Variants in MTUS2 observed in about 807,000 individuals in gnomAD.
MTUS2 encodes the protein microtubule-associated tumor suppressor candidate 2.
A neutral mutation model predicts 114.1 loss-of-function variants in MTUS2; 40 were observed. The observed-to-expected ratio is 0.35, with a 90% CI of 0.27 to 0.46. The LOEUF (loss-of-function observed/expected upper bound fraction) is 0.46, where lower values mean the gene tolerates loss of function less well. Among genes scored for constraint, MTUS2 ranks in the 20% least tolerant of loss-of-function variants. The probability of loss-of-function intolerance (pLI) is 1.00; values close to 1 mark genes in which losing one functional copy is unlikely to be tolerated. For synonymous variants in MTUS2, 688 were observed against 672.0 expected (o/e 1.02, Z -0.37); for missense variants, 1,679 against 1,705.4 (o/e 0.98, Z 0.27).
chr13:28,912,947 G>A (rs891346222), intron 2 of MTUS2, among the ~76,000 whole-genome samples: 1 of 151,638 alleles, frequency 6.6e-6, no homozygotes, highest in South Asian at 2.1e-4. Context: ...GAGTTAATGG[G>A]TGCACATTGA....
At chr13:29,057,997 T>G (rs779002739) in intron 4 of MTUS2, among the ~76,000 whole-genome samples, 1 of 152,146 alleles carries the variant, frequency 6.6e-6, no homozygotes, top group Non-Finnish European at 1.5e-5. Flanking sequence ...ACAAATTCCC[T>G]TTGCATTTGC....
intron 5 of MTUS2, among the ~76,000 whole-genome samples, chr13:29,157,767 C>G (rs893420448): frequency 2.6e-5 from 4 of 151,934 alleles, no homozygotes; most frequent in Non-Finnish European, 4.4e-5. Flanking sequence ...AATCTTTATA[C>G]CTAGGTTAGG....
At chr13:28,991,796 CT>C (rs1368080244) in intron 2 of MTUS2, among the ~76,000 whole-genome samples, 8 of 152,094 alleles carry the variant, frequency 5.3e-5, no homozygotes, top group African/African-American at 1.9e-4. Flanking sequence ...TTTAAAGGTC[CT>C]GGGTTGGAGG....
At chr13:28,981,478 A>G (rs938719268) in intron 2 of MTUS2, among the ~76,000 whole-genome samples, 1 of 152,212 alleles carries the variant, frequency 6.6e-6, no homozygotes, top group African/African-American at 2.4e-5. Context: ...TGACTATGGT[A>G]GTAGTTACAG....
At chr13:29,298,007 C>A (rs1899024856) in intron 6 of MTUS2, among the ~76,000 whole-genome samples, 1 of 152,152 alleles carries the variant, frequency 6.6e-6, no homozygotes. Context: ...TTCTGCTGTT[C>A]ATATGTCAAA....
At chr13:29,387,300 G>A (rs146218835) in intron 8 of MTUS2, among the ~76,000 whole-genome samples, 143 of 152,294 alleles carry the variant, frequency 9.4e-4, no homozygotes, top group African/African-American at 3.2e-3. Context: ...TTGGGCAGAC[G>A]CAGAGGTAAC....
intron 6 of MTUS2, among the ~76,000 whole-genome samples, chr13:29,285,100 AAAAG>A (rs1898424664): frequency 2.0e-5 from 3 of 152,114 alleles, no homozygotes; most frequent in Admixed American, 1.3e-4. Flanking sequence ...AAAGAAAAAA[AAAAG>A]GAAAAACTGA....
intron 6 of MTUS2, among the ~76,000 whole-genome samples, chr13:29,316,036 G>A (rs77678702): frequency 0.014 from 2,067 of 152,268 alleles, 44 homozygotes; most frequent in African/African-American, 0.047. Context: ...CATGCATTGG[G>A]GATTGCCACT....
intron 4 of MTUS2, among the ~76,000 whole-genome samples, chr13:29,051,099 G>A (rs1566326664): frequency 6.6e-6 from 1 of 152,202 alleles, no homozygotes. Context: ...GAATAGGAGA[G>A]GTAATGGCAG....
At chr13:29,114,008 CT>C (rs1890984177) in intron 5 of MTUS2, among the ~76,000 whole-genome samples, 1 of 152,148 alleles carries the variant, frequency 6.6e-6, no homozygotes. Context: ...ACACCTCCCC[CT>C]GTCTCTCTTA....
intron 2 of MTUS2, among the ~76,000 whole-genome samples, chr13:28,911,337 A>C (rs1013883948): frequency 6.6e-6 from 1 of 150,846 alleles, no homozygotes; most frequent in African/African-American, 2.4e-5. Flanking sequence ...CACCATGCCC[A>C]GCTAATTTTT....
At chr13:29,302,636 G>T (rs1308449864) in intron 6 of MTUS2, among the ~76,000 whole-genome samples, 1 of 152,230 alleles carries the variant, frequency 6.6e-6, no homozygotes, top group African/African-American at 2.4e-5. Context: ...GCCCAGCACT[G>T]GGTTGGAGTC....
intron 4 of MTUS2, among the ~76,000 whole-genome samples, chr13:29,079,500 A>C (rs1002617127): frequency 3.9e-5 from 6 of 152,206 alleles, no homozygotes; most frequent in Non-Finnish European, 7.4e-5. Context: ...ATCTGGTGTC[A>C]TCAAGATTTA....
chr13:29,107,670 A>G (rs1890723137), intron 5 of MTUS2, among the ~76,000 whole-genome samples: 1 of 152,202 alleles, frequency 6.6e-6, no homozygotes, highest in Non-Finnish European at 1.5e-5. Flanking sequence ...AGTATCCAGT[A>G]ACCTATATAT....
At chr13:29,214,980 G>A (rs987745970) in intron 5 of MTUS2, among the ~76,000 whole-genome samples, 2 of 151,900 alleles carry the variant, frequency 1.3e-5, no homozygotes, top group East Asian at 3.9e-4. Context: ...CATTCTTTCT[G>A]TCACTTTCAG....
At chr13:28,830,324 A>G (rs1874579678) in intron 1 of MTUS2, among the ~76,000 whole-genome samples, 2 of 152,314 alleles carry the variant, frequency 1.3e-5, no homozygotes, top group South Asian at 4.1e-4. Context: ...CAGATACTGG[A>G]CTTAGTAGAC....
intron 10 of MTUS2, among the ~76,000 whole-genome samples, chr13:29,486,451 T>G (rs536800516): frequency 4.9e-4 from 74 of 152,316 alleles, no homozygotes; most frequent in African/African-American, 1.7e-3. Context: ...GGAGAGCCCT[T>G]TCTCCATTCA....
intron 5 of MTUS2, among the ~76,000 whole-genome samples, chr13:29,196,945 A>G (rs1388932786): frequency 6.6e-6 from 1 of 152,174 alleles, no homozygotes; most frequent in Non-Finnish European, 1.5e-5. Context: ...TCCTGCTTGT[A>G]TTAATAGCTC....
At chr13:29,248,620 ACTCTCCAT>A (rs1332370620) in intron 5 of MTUS2, among the ~76,000 whole-genome samples, 2 of 151,520 alleles carry the variant, frequency 1.3e-5, no homozygotes, top group Non-Finnish European at 2.9e-5. Flanking sequence ...TTGCCCTGAT[ACTCTCCAT>A]CTCCTCCCCC....
Sources: allele counts gnomAD v4.1 joint callset (sites outside exome capture counted in the v4.1 genomes callset), GRCh38; gene constraint gnomAD v4.1.1; transcripts MANE v1.5; gene names NCBI Gene and HGNC (gene_info 2026-07-23, HGNC 2026-07-21).